CNNM1: variants seen among roughly 807,000 people sequenced by gnomAD.
The protein encoded by CNNM1 is cyclin and CBS domain divalent metal cation transport mediator 1, also known as metal transporter CNNM1.
Under a neutral mutation model 78.8 loss-of-function variants are expected in CNNM1, and 44 were observed. That is an observed-to-expected ratio of 0.56 (90% CI 0.44 to 0.72). The LOEUF (loss-of-function observed/expected upper bound fraction) is 0.72. Ranked by LOEUF, CNNM1 falls within the 30% of genes least tolerant of loss-of-function variation. CNNM1 has a pLI of 0.00. For synonymous variants in CNNM1, 584 were observed against 581.5 expected, an observed-to-expected ratio of 1.00 and a Z score of -0.06; for missense variants, 1,101 against 1,292.2, an observed-to-expected ratio of 0.85 and a Z score of 2.27.
chr10:99,385,993 G>A (rs2032292714), intron 7 of CNNM1, among the ~76,000 whole-genome samples: 2 of 152,118 alleles, frequency 1.3e-5, no homozygotes, highest in South Asian at 4.1e-4. Context: ...CATCTTTGGG[G>A]GAAATTTTGG....
intron 1 of CNNM1, among the ~76,000 whole-genome samples, chr10:99,336,522 C>T (rs532762687): frequency 1.3e-5 from 2 of 152,258 alleles, no homozygotes; most frequent in South Asian, 4.2e-4. Context: ...TAATTTAATC[C>T]ACTATTTGTT....
At chr10:99,348,910 T>C (rs75321526) in intron 1 of CNNM1, among the ~76,000 whole-genome samples, 129 of 61,518 alleles carry the variant, frequency 2.1e-3, no homozygotes, top group African/African-American at 3.2e-3. Flanking sequence ...AACAAACAAA[T>C]AAACAAACAA....
intron 6 of CNNM1, among the ~76,000 whole-genome samples, chr10:99,369,209 G>T (rs2031724926): frequency 6.6e-6 from 1 of 152,154 alleles, no homozygotes; most frequent in South Asian, 2.1e-4. Flanking sequence ...TAGTCACTGG[G>T]TTTCTTTTTA....
Position 99,329,555 on chromosome 10 carries a change from C to T in CNNM1, c.168C>T (p.Ser56=). 6.5e-7 allele frequency: 1 copy of T among 1,530,836 alleles called. No individual in the cohort carries two copies. Among genetic ancestry groups the T allele is most frequent in the Non-Finnish European group, 8.7e-7 (1 of 1,151,102 alleles). 94.8% of individuals were successfully genotyped at this position (1,530,836 alleles called of 1,614,324 possible). The change falls in exon 1 of 11, where the codon TCC becomes TCT. Residue 56 remains serine (S), a synonymous_variant. Coordinates refer to ENST00000356713, the MANE Select transcript of CNNM1 (RefSeq NM_020348.3). The stretch of plus-strand genomic sequence containing the variant: ...AGGACACTGCTGGAGGCCGCGTGTC[C>T]CTGGAGGGGGGCACCCTGCGCGCCG... ...RPEDTAGGRV[S]LEGGTLRAAE...
chr10:99,376,136 T>C (rs1005343500), intron 6 of CNNM1, among the ~76,000 whole-genome samples: 2 of 152,190 alleles, frequency 1.3e-5, no homozygotes, highest in African/African-American at 4.8e-5. Flanking sequence ...CCCTTCTCAG[T>C]CTAGTCCATC....
Position 99,364,529 on chromosome 10 carries a change from C to A in CNNM1, c.2128+13C>A. ...ACTGCTTGCTCAGGTATTCTAGTTT[C>A]CATTTGTTTATTGGGAAAGTAATGG... On this transcript the variant is annotated intron_variant, in intron 5 of 10. Coordinates refer to ENST00000356713, the MANE Select transcript of CNNM1 (RefSeq NM_020348.3). 1 of 1,595,152 alleles carries A rather than the reference C, an allele frequency of 6.3e-7. No individual in the cohort carries two copies. The highest frequency in any genetic ancestry group is 8.6e-7 in the Non-Finnish European group (1 of 1,168,438).
intron 1 of CNNM1, among the ~76,000 whole-genome samples, chr10:99,331,647 A>T (rs2029917181): frequency 6.6e-6 from 1 of 152,126 alleles, no homozygotes; most frequent in East Asian, 1.9e-4. Context: ...CGGGAGGATT[A>T]CTCGAGCCCA....
At chr10:99,368,674 T>TCCCCAGGTAAACATGCATGGGTG (rs1373502519) in intron 6 of CNNM1, 1 of 1,289,614 alleles carries the variant, frequency 7.8e-7, no homozygotes, top group Non-Finnish European at 1.0e-6. Context: ...TCTGGCAGGC[T>TCCCCAGGTAAACATGCATGGGTG]CCCCAGGTAA....
intron 7 of CNNM1, among the ~76,000 whole-genome samples, chr10:99,383,979 T>C (rs76475014): frequency 0.049 from 7,419 of 150,458 alleles, 316 homozygotes; most frequent in South Asian, 0.13. Context: ...CGAAAAAGAA[T>C]GTAAAATTCC....
intron 1 of CNNM1, among the ~76,000 whole-genome samples, chr10:99,355,287 A>AG (rs1476744286): frequency 1.0e-4 from 9 of 87,456 alleles, no homozygotes; most frequent in Non-Finnish European, 1.9e-4. Context: ...GGGTGGGGGG[A>AG]GGGGGGAAGG....
chr10:99,390,185 C>A, intron 9 of CNNM1, 121 bp from the exon 10 acceptor site: 1 of 700,324 alleles, frequency 1.4e-6, no homozygotes, highest in Non-Finnish European at 2.5e-6. Flanking sequence ...TTACACCACC[C>A]TCACCTTGGC....
intron 1 of CNNM1, among the ~76,000 whole-genome samples, chr10:99,350,618 C>G (rs1463142540): frequency 6.6e-6 from 1 of 152,048 alleles, no homozygotes; most frequent in African/African-American, 2.4e-5. Flanking sequence ...GCTGCCACTG[C>G]CTTTCTGTAT....
intron 7 of CNNM1, 94 bp from the exon 8 acceptor site, chr10:99,387,726 A>AC: frequency 7.8e-7 from 1 of 1,282,380 alleles, no homozygotes; most frequent in African/African-American, 1.5e-5. Flanking sequence ...GGTTCCAAGC[A>AC]CCCCAGCGAG....
intron 1 of CNNM1, among the ~76,000 whole-genome samples, chr10:99,356,562 C>CAGAAAGAAAGAAAAGAAAAGAA (rs55778106): frequency 2.0e-4 from 20 of 98,532 alleles, no homozygotes; most frequent in East Asian, 1.2e-3. Context: ...GACAGACAGA[C>CAGAAAGAAAGAAAAGAAAAGAA]AGAAAGAAAG....
chr10:99,335,822 C>T (rs563783085), intron 1 of CNNM1, among the ~76,000 whole-genome samples: 25 of 152,338 alleles, frequency 1.6e-4, no homozygotes, highest in Non-Finnish European at 3.1e-4. Flanking sequence ...CTGGTGAGGA[C>T]GTTCTTCCTG....
intron 10 of CNNM1, 63 bp downstream of exon 10, chr10:99,390,470 G>A (rs2032441635): frequency 1.7e-6 from 2 of 1,191,024 alleles, no homozygotes; most frequent in Non-Finnish European, 2.5e-6. Context: ...GGAAAAGCAT[G>A]TTAGCATCTT....
intron 1 of CNNM1, among the ~76,000 whole-genome samples, chr10:99,347,236 G>A (rs937020680): frequency 3.3e-5 from 5 of 151,778 alleles, no homozygotes; most frequent in Non-Finnish European, 7.4e-5. Context: ...TAAAATATAA[G>A]TCAGCCAGGC....
At chr10:99,358,555 A>G (rs1191267141) in intron 2 of CNNM1, among the ~76,000 whole-genome samples, 1 of 152,090 alleles carries the variant, frequency 6.6e-6, no homozygotes, top group Non-Finnish European at 1.5e-5. Context: ...AAGAGCTTTG[A>G]TACCATAAGG....
chr10:99,350,532 T>C (rs1389578554), intron 1 of CNNM1, among the ~76,000 whole-genome samples: 1 of 152,194 alleles, frequency 6.6e-6, no homozygotes, highest in Non-Finnish European at 1.5e-5. Flanking sequence ...CCATGTAGAA[T>C]AGATGAGGCT....
Sources: gnomAD v4.1 joint callset for allele counts (sites outside exome capture counted in the v4.1 genomes callset) on GRCh38, gnomAD v4.1.1 for gene constraint, MANE v1.5 for transcripts, NCBI Gene and HGNC (gene_info 2026-07-23, HGNC 2026-07-21) for gene names.